The following NECTIN3 variants were observed in gnomAD, a reference collection of about 807,000 sequenced individuals.
The protein encoded by NECTIN3 is nectin-3.
NECTIN3 carries 8 observed loss-of-function variants against 49.4 expected under a neutral mutation model. That is an observed-to-expected ratio of 0.16 (90% CI 0.10 to 0.29). NECTIN3 has a LOEUF of 0.29. Among genes scored for constraint, NECTIN3 ranks in the 10% least tolerant of loss-of-function variants. The pLI, the probability that NECTIN3 is intolerant of heterozygous loss-of-function variation, is 1.00. For missense variants in NECTIN3, 581 were observed against 654.6 expected, an observed-to-expected ratio of 0.89 and a Z score of 1.23; for synonymous variants, 277 against 241.1, an observed-to-expected ratio of 1.15 and a Z score of -1.38.
At chr3:111,101,546 A>C (rs946241118) in intron 1 of NECTIN3, among the ~76,000 whole-genome samples, 3 of 152,054 alleles carry the variant, frequency 2.0e-5, no homozygotes, top group Admixed American at 6.6e-5. Context: ...AAACCTGTAA[A>C]CCTTTATTTA....
At chr3:111,117,431 T>C (rs2033733904) in intron 2 of NECTIN3, among the ~76,000 whole-genome samples, 1 of 151,978 alleles carries the variant, frequency 6.6e-6, no homozygotes, top group Non-Finnish European at 1.5e-5. Flanking sequence ...ACTTGTGAGG[T>C]TCCAGTAATA....
chr3:111,138,670 A>C (rs1024670122), downstream of NECTIN3, among the ~76,000 whole-genome samples: 1 of 151,604 alleles, frequency 6.6e-6, no homozygotes, highest in African/African-American at 2.4e-5. Context: ...ATCTTGTTTC[A>C]TTTGCCTTTT....
chr3:111,142,563 G>A (rs1332202251), intron 5 of NECTIN3, among the ~76,000 whole-genome samples: 1 of 151,772 alleles, frequency 6.6e-6, no homozygotes. Flanking sequence ...ATTTAGACAA[G>A]CATTACTTCA....
Position 111,071,892 on chromosome 3 carries a change from G to A in NECTIN3, c.-126G>A, listed in dbSNP as rs2030754238. ...CGGCCAAGTGTCAGCCGGCAGCGAC[G>A]GCGCTAGAGCTGGGAGCTGGGGACG... On this transcript the variant is annotated 5_prime_UTR_variant, in exon 1 of 6. Transcript: ENST00000485303. 1.8e-6 allele frequency: 1 copy of A among 551,420 alleles called. No homozygotes were observed. The highest frequency in any genetic ancestry group is 3.7e-5 in the East Asian group (1 of 26,954). The allele number at this position is 551,420 out of a possible 1,614,324, so 34.2% of individuals were successfully genotyped here. A position where few individuals can be genotyped will look rare whatever the true frequency, so the allele number is the denominator to read the frequency against.
chr3:111,161,001 C>T (rs563881409), intron 7 of NECTIN3, among the ~76,000 whole-genome samples: 7 of 151,842 alleles, frequency 4.6e-5, no homozygotes, highest in East Asian at 1.9e-4. Context: ...AACGAGACTC[C>T]GTCTCAAAAA....
At chr3:111,166,526 A>G in intron 7 of NECTIN3, among the ~76,000 whole-genome samples, 1 of 152,256 alleles carries the variant, frequency 6.6e-6, no homozygotes, top group Admixed American at 6.5e-5. Context: ...AGTTTAGGGA[A>G]ATAGTTAAGA....
intron 2 of NECTIN3, among the ~76,000 whole-genome samples, chr3:111,118,211 A>G (rs1329302994): frequency 7.2e-6 from 1 of 138,184 alleles, no homozygotes; most frequent in Non-Finnish European, 1.5e-5. Flanking sequence ...TATTTTTAAA[A>G]GTATTTGCTT....
At chr3:111,166,599 T>C (rs2035323838) in intron 7 of NECTIN3, among the ~76,000 whole-genome samples, 1 of 152,236 alleles carries the variant, frequency 6.6e-6, no homozygotes, top group South Asian at 2.1e-4. Context: ...GCCTACTTGA[T>C]GTTTATCTAA....
intron 5 of NECTIN3, among the ~76,000 whole-genome samples, chr3:111,130,846 T>A (rs1351890683): frequency 6.6e-6 from 1 of 152,126 alleles, no homozygotes; most frequent in African/African-American, 2.4e-5. Flanking sequence ...TGTGTTTTTC[T>A]GGTTTGCTTT....
At chr3:111,080,931 T>A (rs900364536) in intron 1 of NECTIN3, among the ~76,000 whole-genome samples, 2 of 152,150 alleles carry the variant, frequency 1.3e-5, no homozygotes, top group Non-Finnish European at 2.9e-5. Flanking sequence ...AATGAGACTT[T>A]TGAGCTATGT....
At chr3:111,121,655 C>G (rs1423324180) in intron 3 of NECTIN3, among the ~76,000 whole-genome samples, 2 of 152,108 alleles carry the variant, frequency 1.3e-5, no homozygotes, top group Non-Finnish European at 2.9e-5. Context: ...TGTAATTGAC[C>G]TGATACCTCT....
In NECTIN3 at chr3:111,151,861, T is replaced by C. The variant is rs371022040; in HGVS notation, c.1221+4377T>C. 1.6e-3 allele frequency among the ~76,000 whole-genome samples: 238 copies of C among 151,908 alleles called. 1 individual carries two copies. The highest frequency in any genetic ancestry group is 5.6e-3 in the African/African-American group (233 of 41,518). On this transcript the variant is annotated intron_variant, in intron 7 of 8. Transcript: ENST00000493615. Reference sequence around the variant, plus strand: ...TAAAGAGGTGTTTTCTAAGGTCTCATTCCTATACCTATTTACCCTACCCCC... The same window carrying C: ...TAAAGAGGTGTTTTCTAAGGTCTCACTCCTATACCTATTTACCCTACCCCC...
At chr3:111,139,344 C>G (rs748974798), downstream of NECTIN3, among the ~76,000 whole-genome samples, 5 of 151,656 alleles carry the variant, frequency 3.3e-5, no homozygotes, top group African/African-American at 1.2e-4. Context: ...TTACCCCCAC[C>G]CCATTTTCCC....
At chr3:111,157,282 T>C (rs953394862) in intron 7 of NECTIN3, among the ~76,000 whole-genome samples, 4 of 151,666 alleles carry the variant, frequency 2.6e-5, no homozygotes, top group Non-Finnish European at 5.9e-5. Context: ...TTACCTTTGA[T>C]TAATAGCAAA....
chr3:111,188,795 A>C (rs1354215066), upstream of NECTIN3, among the ~76,000 whole-genome samples: 3 of 152,180 alleles, frequency 2.0e-5, no homozygotes, highest in African/African-American at 7.2e-5. Flanking sequence ...ACAGTTCTTA[A>C]CCCAGGGTGT....
At chr3:111,078,755 T>G (rs1236943277) in intron 1 of NECTIN3, among the ~76,000 whole-genome samples, 1 of 152,184 alleles carries the variant, frequency 6.6e-6, no homozygotes, top group Non-Finnish European at 1.5e-5. Context: ...ATTTTTCCTC[T>G]CTTCAGTTCT....
At chr3:111,179,767 C>T (rs983293179) in intron 7 of NECTIN3, among the ~76,000 whole-genome samples, 1 of 151,850 alleles carries the variant, frequency 6.6e-6, no homozygotes, top group Admixed American at 6.6e-5. Flanking sequence ...GGCGGCGGGA[C>T]CTGTAGTCCA....
intron 1 of NECTIN3, chr3:111,074,128 A>G (rs2031005243): frequency 2.3e-6 from 1 of 441,244 alleles, no homozygotes; most frequent in Admixed American, 2.5e-5. Flanking sequence ...ATAACACCCT[A>G]ATTTGTGAAC....
rs527842248 is a variant in NECTIN3, at chr3:111,083,352, G to A, written c.160+11175G>A. ...ATGTTGAGCTCGCAACCCTCAATGT[G>A]ATGGTGTTAGGGGGCATAGGGCCTT... On this transcript the variant is annotated intron_variant, in intron 1 of 5. Transcript: ENST00000485303. 7.2e-5 allele frequency among the ~76,000 whole-genome samples: 11 copies of A among 152,276 alleles called. No homozygotes were observed. In the South Asian group the frequency reaches 2.3e-3, roughly 32 times the overall value.
Sources: gnomAD v4.1 joint callset for allele counts (sites outside exome capture counted in the v4.1 genomes callset) on GRCh38, gnomAD v4.1.1 for gene constraint, MANE v1.5 for transcripts, NCBI Gene and HGNC (gene_info 2026-07-23, HGNC 2026-07-21) for gene names.